Variants in CPM observed in about 807,000 individuals in gnomAD.
CPM encodes the protein carboxypeptidase M.
A neutral mutation model predicts 46.4 loss-of-function variants in CPM; 35 were observed. The ratio of observed to expected loss-of-function variants is 0.75; its 90% CI spans 0.58 to 1.00. CPM has a LOEUF of 1.00. CPM is among the 50% of genes least tolerant of loss of function. The probability of loss-of-function intolerance (pLI) is 0.00; values close to 1 mark genes in which losing one functional copy is unlikely to be tolerated. For missense variants in CPM, 422 were observed against 530.4 expected (o/e 0.80, Z 2.01); for synonymous variants, 195 against 195.3 (o/e 1.00, Z 0.01).
At chr12:68,924,445 A>G (rs1308816287) in intron 2 of CPM, among the ~76,000 whole-genome samples, 1 of 150,110 alleles carries the variant, frequency 6.7e-6, no homozygotes, top group Non-Finnish European at 1.5e-5. Flanking sequence ...GTGACACTGC[A>G]CTCCAGCATG....
intron 2 of CPM, 129 bp downstream of exon 2, chr12:68,932,549 A>T (rs184225415): frequency 9.8e-7 from 1 of 1,024,628 alleles, no homozygotes; most frequent in African/African-American, 1.6e-5. Context: ...CACGCACGGT[A>T]CCGGTTGACT....
At chr12:68,865,258 G>A (rs1191450477) in intron 7 of CPM, among the ~76,000 whole-genome samples, 4 of 152,160 alleles carry the variant, frequency 2.6e-5, no homozygotes, top group South Asian at 2.1e-4. Flanking sequence ...GAGAAAGAAC[G>A]ATATTTCATA....
At chr12:68,844,219 A>G (rs773409112) in intron 5 of CPM, 1 of 210,794 alleles carries the variant, frequency 4.7e-6, no homozygotes, top group South Asian at 1.9e-4. Context: ...AATTTTTATG[A>G]GTTGTTAAAA....
intron 2 of CPM, among the ~76,000 whole-genome samples, chr12:68,892,674 A>G (rs1408578772): frequency 6.6e-6 from 1 of 152,134 alleles, no homozygotes; most frequent in Non-Finnish European, 1.5e-5. Flanking sequence ...AGCCTGCCTA[A>G]CATCGCGAAA....
At chr12:68,936,810 G>A (rs1178238086), upstream of CPM, among the ~76,000 whole-genome samples, 1 of 152,170 alleles carries the variant, frequency 6.6e-6, no homozygotes, top group African/African-American at 2.4e-5. Context: ...AAGAAGAAAG[G>A]TTTAAATCAG....
At chr12:68,880,438 A>C (rs1340590087) in intron 3 of CPM, among the ~76,000 whole-genome samples, 2 of 152,214 alleles carry the variant, frequency 1.3e-5, no homozygotes, top group East Asian at 3.9e-4. Flanking sequence ...TACTTATTCC[A>C]GTGTTGCCCT....
intron 2 of CPM, among the ~76,000 whole-genome samples, chr12:68,909,838 G>A (rs561678606): frequency 2.0e-5 from 3 of 149,328 alleles, no homozygotes; most frequent in East Asian, 2.0e-4. Flanking sequence ...CCTGTTGGGG[G>A]GTGGGGGGGC....
intron 2 of CPM, among the ~76,000 whole-genome samples, chr12:68,892,831 A>G (rs967862660): frequency 2.6e-5 from 4 of 152,124 alleles, no homozygotes; most frequent in African/African-American, 9.7e-5. Context: ...CAACAAAAGC[A>G]AAACTCGTCT....
At chr12:68,844,727 A>G (rs7956669) in intron 5 of CPM, 14,870 of 213,208 alleles carry the variant, frequency 0.07, 639 homozygotes, top group African/African-American at 0.13. Context: ...TTGGCATTAT[A>G]TAATTAAGAT....
intron 3 of CPM, among the ~76,000 whole-genome samples, chr12:68,873,765 T>C (rs535712199): frequency 2.6e-5 from 4 of 152,056 alleles, no homozygotes; most frequent in Non-Finnish European, 5.9e-5. Flanking sequence ...TGTCCAATCC[T>C]GACTTCAACT....
intron 2 of CPM, among the ~76,000 whole-genome samples, chr12:68,900,293 A>G (rs944501858): frequency 3.3e-5 from 5 of 152,246 alleles, no homozygotes; most frequent in African/African-American, 9.6e-5. Context: ...CATATGTCAC[A>G]TCATATGTCA....
At chr12:68,949,797 C>T (rs61926312) in intron 1 of CPM, among the ~76,000 whole-genome samples, 24,679 of 152,122 alleles carry the variant, frequency 0.16, 2,100 homozygotes, top group Middle Eastern at 0.2. Flanking sequence ...GGCTTCAGAA[C>T]GACATGCCCA....
At chr12:68,860,261 T>C (rs1404982084) in intron 7 of CPM, among the ~76,000 whole-genome samples, 1 of 152,188 alleles carries the variant, frequency 6.6e-6, no homozygotes, top group African/African-American at 2.4e-5. Context: ...TACAACTGTG[T>C]AAACTTCTAT....
intron 1 of CPM, among the ~76,000 whole-genome samples, chr12:68,943,120 T>C (rs1406187203): frequency 4.6e-5 from 7 of 152,140 alleles, no homozygotes; most frequent in Non-Finnish European, 1.0e-4. Flanking sequence ...ACTAAAATAG[T>C]AAATTATTAA....
intron 7 of CPM, among the ~76,000 whole-genome samples, chr12:68,862,971 G>A (rs1294032897): frequency 6.6e-6 from 1 of 152,100 alleles, no homozygotes; most frequent in Non-Finnish European, 1.5e-5. Flanking sequence ...GAAATGTAAA[G>A]CTCTTTTTCC....
At chr12:68,886,247 C>G (rs747443480) in intron 2 of CPM, among the ~76,000 whole-genome samples, 18 of 151,688 alleles carry the variant, frequency 1.2e-4, no homozygotes, top group Non-Finnish European at 2.2e-4. Flanking sequence ...TGCTAATTCA[C>G]ACAATTATAT....
At chr12:68,928,126 C>T (rs1010437185) in intron 2 of CPM, among the ~76,000 whole-genome samples, 2 of 152,192 alleles carry the variant, frequency 1.3e-5, no homozygotes, top group Non-Finnish European at 2.9e-5. Flanking sequence ...AACTATACTA[C>T]GAGGCTACAG....
rs572645435 is a variant in CPM at position 68,902,699 on chromosome 12, G to A, written c.161-16810C>T. Among the ~76,000 whole-genome samples, 20 of 152,342 alleles carry A rather than the reference G, an allele frequency of 1.3e-4. 1 individual carries two copies. In the South Asian group the frequency reaches 4.1e-3, roughly 32 times the overall value. On this transcript the variant is annotated intron_variant, in intron 2 of 8. Coordinates refer to ENST00000551568, the MANE Select transcript of CPM (RefSeq NM_198320.5). ...CCTCAACAGAAACACCATGAGATAA[G>A]TAAGGCAGGTATTATTATCCTCATT...
At chr12:68,929,566 C>A (rs1339336413) in intron 2 of CPM, among the ~76,000 whole-genome samples, 1 of 152,106 alleles carries the variant, frequency 6.6e-6, no homozygotes, top group Non-Finnish European at 1.5e-5. Context: ...GAAATATGGT[C>A]TACTATGGCT....
Sources: allele counts gnomAD v4.1 joint callset (sites outside exome capture counted in the v4.1 genomes callset), GRCh38; gene constraint gnomAD v4.1.1; transcripts MANE v1.5; gene names NCBI Gene and HGNC (gene_info 2026-07-23, HGNC 2026-07-21).